The following COXFA4 variants were observed in gnomAD, a reference collection of about 807,000 sequenced individuals.
COXFA4 encodes the protein cytochrome c oxidase associated subunit FA4.
At chr7:10,938,844 T>C in the COXFA4 span, 1 of 1,613,832 alleles carries the variant, frequency 6.2e-7, no homozygotes, top group Non-Finnish European at 8.5e-7. Context: ...ACGCAAGAGA[T>C]ACAGTGTTGC....
chr7:10,936,919 C>T, the COXFA4 span, among the ~76,000 whole-genome samples: 1 of 152,030 alleles, frequency 6.6e-6, no homozygotes, highest in South Asian at 2.1e-4. Flanking sequence ...TGCCATAGTT[C>T]CAGCTACTCA....
the COXFA4 span, chr7:10,933,255 G>C: frequency 5.7e-6 from 1 of 176,230 alleles, no homozygotes; most frequent in South Asian, 1.3e-4. Flanking sequence ...ATTTACTTTT[G>C]TATAATTTCC....
the COXFA4 span, chr7:10,933,684 T>C: frequency 1.9e-6 from 3 of 1,608,158 alleles, no homozygotes; most frequent in South Asian, 1.1e-5. Flanking sequence ...CCACATTCAC[T>C]GAGTAGAACT....
the COXFA4 span, among the ~76,000 whole-genome samples, chr7:10,936,980 G>A: frequency 1.3e-5 from 2 of 152,130 alleles, no homozygotes; most frequent in African/African-American, 4.8e-5. Flanking sequence ...AGGCTGTAGT[G>A]AGCCAAGATA....
At chr7:10,936,977 A>G in the COXFA4 span, among the ~76,000 whole-genome samples, 1 of 152,144 alleles carries the variant, frequency 6.6e-6, no homozygotes. Context: ...TGGAGGCTGT[A>G]GTGAGCCAAG....
chr7:10,939,827 C>G, the COXFA4 span: 3 of 726,038 alleles, frequency 4.1e-6, no homozygotes, highest in Non-Finnish European at 4.9e-6. Flanking sequence ...CAGACAAAAC[C>G]CCACAATGCA....
the COXFA4 span, chr7:10,938,184 A>G: frequency 2.6e-6 from 4 of 1,566,010 alleles, no homozygotes; most frequent in Non-Finnish European, 3.5e-6. Flanking sequence ...TTATAATAAT[A>G]AAGCACTATT....
chr7:10,938,768 T>A, the COXFA4 span: 13 of 1,500,072 alleles, frequency 8.7e-6, no homozygotes, highest in East Asian at 1.8e-4. Flanking sequence ...TAAACTGCCT[T>A]GATCAGCTAT....
the COXFA4 span, among the ~76,000 whole-genome samples, chr7:10,936,133 G>A: frequency 3.9e-5 from 6 of 152,274 alleles, no homozygotes; most frequent in East Asian, 9.6e-4. Context: ...ACCTGAATGG[G>A]TTTAGAAAAA....
the COXFA4 span, chr7:10,933,664 T>C: frequency 3.2e-5 from 51 of 1,611,008 alleles, no homozygotes; most frequent in Middle Eastern, 3.3e-4. Context: ...CTTCTTCAGC[T>C]TGCTGTAATC....
At chr7:10,939,133 C>T in the COXFA4 span, 1 of 423,942 alleles carries the variant, frequency 2.4e-6, no homozygotes. Flanking sequence ...AAGTGTCTTA[C>T]TTTTTAATGT....
the COXFA4 span, among the ~76,000 whole-genome samples, chr7:10,935,853 TCA>T: frequency 0.038 from 5,776 of 152,290 alleles, 319 homozygotes; most frequent in East Asian, 0.13. Flanking sequence ...CACTTTTCAC[TCA>T]CATTATATGC....
the COXFA4 span, chr7:10,939,478 G>A: frequency 2.3e-3 from 418 of 178,322 alleles, no homozygotes; most frequent in African/African-American, 9.5e-3. Flanking sequence ...TTGATGTGCT[G>A]AGGAAAAATG....
the COXFA4 span, chr7:10,938,699 G>C: frequency 2.5e-6 from 2 of 809,738 alleles, no homozygotes; most frequent in Admixed American, 3.8e-5. Flanking sequence ...TTGTATGACT[G>C]TAAATGTAAC....
the COXFA4 span, chr7:10,939,652 C>T: frequency 3.2e-6 from 1 of 316,166 alleles, no homozygotes; most frequent in Admixed American, 4.3e-5. Flanking sequence ...TGGTATAACA[C>T]ATAGGGAACC....
chr7:10,938,945 T>C, the COXFA4 span: 14 of 1,395,108 alleles, frequency 1.0e-5, no homozygotes, highest in Non-Finnish European at 7.1e-6. Context: ...CTTAAAACAC[T>C]GGCCAACGAG....
At chr7:10,939,869 C>A in the COXFA4 span, 9 of 921,180 alleles carry the variant, frequency 9.8e-6, no homozygotes, top group South Asian at 1.2e-4. Context: ...CCTGGGACAA[C>A]TAAGATGACA....
chr7:10,937,999 A>T, the COXFA4 span: 2 of 1,008,920 alleles, frequency 2.0e-6, no homozygotes, highest in Non-Finnish European at 3.2e-6. Flanking sequence ...ATGGAATTTT[A>T]CTCGTATATC....
chr7:10,936,248 G>T, the COXFA4 span, among the ~76,000 whole-genome samples: 1 of 152,136 alleles, frequency 6.6e-6, no homozygotes, highest in Non-Finnish European at 1.5e-5. Context: ...TCCAGACTCT[G>T]CTATCAGTGT....
Sources: gnomAD v4.1 joint callset for allele counts (sites outside exome capture counted in the v4.1 genomes callset) on GRCh38, gnomAD v4.1.1 for gene constraint, MANE v1.5 for transcripts, NCBI Gene and HGNC (gene_info 2026-07-23, HGNC 2026-07-21) for gene names.